Variants in ZMAT1 observed in about 807,000 individuals in gnomAD.
The protein encoded by ZMAT1 is zinc finger matrin-type protein 1.
A neutral mutation model predicts 18.5 loss-of-function variants in ZMAT1; 11 were observed. The ratio of observed to expected loss-of-function variants is 0.59; its 90% CI spans 0.37 to 0.98. ZMAT1 has a LOEUF of 0.98. Ranked by LOEUF, ZMAT1 falls within the 50% of genes least tolerant of loss-of-function variation. The pLI, the probability that ZMAT1 is intolerant of heterozygous loss-of-function variation, is 0.01. For missense variants in ZMAT1, 525 were observed against 496.2 expected, an observed-to-expected ratio of 1.06 and a Z score of -0.55; for synonymous variants, 211 against 176.4, an observed-to-expected ratio of 1.20 and a Z score of -1.55.
Position 101,883,552 on chromosome X carries a change from T to C in ZMAT1, c.2046A>G (p.Thr682=). Residue 682 remains threonine, a synonymous_variant, in exon 6 of 6, where the codon ACA becomes ACG. Transcript: ENST00000651725. ...ACTCATCCCAAAGCATTTCCTCTTC[T>C]GTCCTTTCTTCAACAGATTTCTTTT... is the stretch of plus-strand genomic sequence containing the variant. ...KEKKKSVEER[T]EEEMLWDESI... is the part of the protein sequence containing the mutation. The C allele has an allele frequency of 8.3e-7, 1 of 1,201,703 alleles. No individual in the cohort carries two copies. The highest frequency in any genetic ancestry group is 1.1e-6 in the Non-Finnish European group (1 of 892,762).
intron 1 of ZMAT1, among the ~76,000 whole-genome samples, chrX:101,927,985 A>C (rs1761086694): frequency 8.9e-6 from 1 of 112,122 alleles, no homozygotes; most frequent in African/African-American, 3.2e-5. Flanking sequence ...CACCTGCCAA[A>C]TGCAGATAAT....
At chrX:101,902,270 T>C (rs1388025961) in intron 2 of ZMAT1, among the ~76,000 whole-genome samples, 1 of 112,071 alleles carries the variant, frequency 8.9e-6, no homozygotes, top group East Asian at 2.8e-4. Context: ...CACATCACTT[T>C]CCCATTTTTC....
At chrX:101,914,825 C>G (rs1929206181) in intron 1 of ZMAT1, among the ~76,000 whole-genome samples, 1 of 111,482 alleles carries the variant, frequency 9.0e-6, no homozygotes, top group South Asian at 3.7e-4. Flanking sequence ...GCAATACTTC[C>G]AAACTCATTC....
In ZMAT1 at chrX:101,893,882, T is replaced by C. The variant is rs753486042; in HGVS notation, c.676+3986A>G. ...ATAGTTTCTGGCAACCATATGTAGTTTGCAGGTACTGACCCACATAGATCA... is the reference window on the plus strand; with the variant it reads ...ATAGTTTCTGGCAACCATATGTAGTCTGCAGGTACTGACCCACATAGATCA... On this transcript the variant is annotated intron_variant, in intron 4 of 5. Coordinates refer to ENST00000651725, the MANE Select transcript of ZMAT1 (RefSeq NM_001394560.1). Among the ~76,000 whole-genome samples, 184 of 111,334 alleles carry C rather than the reference T, an allele frequency of 1.7e-3. 1 individual carries two copies. The highest frequency in any genetic ancestry group is 5.9e-3 in the African/African-American group (180 of 30,699).
At chrX:101,910,053 CCT>C (rs1409692067) in intron 1 of ZMAT1, among the ~76,000 whole-genome samples, 2 of 112,455 alleles carry the variant, frequency 1.8e-5, no homozygotes, top group East Asian at 2.8e-4. Flanking sequence ...CAATCCATCC[CCT>C]GATTTAGGTG....
At chrX:101,911,508 AAAC>A in intron 1 of ZMAT1, 1 of 905,478 alleles carries the variant, frequency 1.1e-6, no homozygotes, top group East Asian at 3.3e-5. Context: ...ATATAAGTAA[AAAC>A]AACAAAAAGT....
At chrX:101,914,567 C>A (rs1010640143) in intron 1 of ZMAT1, among the ~76,000 whole-genome samples, 2 of 110,988 alleles carry the variant, frequency 1.8e-5, no homozygotes, top group African/African-American at 6.5e-5. Flanking sequence ...CTACTATGAG[C>A]AACTATATGC....
At position 101,883,735 on chromosome X, in the gene ZMAT1, A is replaced by C. The variant is rs202199666; in HGVS notation, c.1863T>G (p.Ser621Arg). The C allele has an allele frequency of 1.7e-5, 20 of 1,189,031 alleles. No individual in the cohort carries two copies. The highest frequency in any genetic ancestry group is 2.3e-5 in the Non-Finnish European group (20 of 886,710). Residue 621 changes from serine (S) to arginine (R), a missense_variant, in exon 6 of 6, where the codon AGT becomes AGG. Transcript: ENST00000651725. ...KEQSKHKRKK[S>R]YEDTDLDKDK... ...CTTTGTCTAAATCTGTATCTTCATA[A>C]CTCTTTTTCCTTTTATGCTTGGACT... is the stretch of plus-strand genomic sequence containing the variant.
intron 4 of ZMAT1, among the ~76,000 whole-genome samples, chrX:101,893,673 A>G (rs866366120): frequency 8.9e-6 from 1 of 111,976 alleles, no homozygotes; most frequent in Middle Eastern, 4.6e-3. Context: ...CCCTTGCCTC[A>G]AAGACCTTAC....
chrX:101,929,300 C>G (rs1477713727), intron 1 of ZMAT1, among the ~76,000 whole-genome samples: 1 of 107,627 alleles, frequency 9.3e-6, no homozygotes, highest in Non-Finnish European at 1.9e-5. Flanking sequence ...TTAACTAGGA[C>G]TTAAACAAGC....
chrX:101,923,126 C>T (rs953556702), intron 1 of ZMAT1, among the ~76,000 whole-genome samples: 1 of 112,108 alleles, frequency 8.9e-6, no homozygotes, highest in African/African-American at 3.2e-5. Context: ...GCATCTTCCT[C>T]TCTTCTCTTC....
chrX:101,887,970 C>A (rs1393083344), intron 4 of ZMAT1: 1 of 111,246 alleles, frequency 9.0e-6, no homozygotes, highest in Non-Finnish European at 1.9e-5. Context: ...ACCAGAATGA[C>A]AATACAATAA....
At position 101,904,324 on chromosome X, in the gene ZMAT1, A is replaced by G. The variant is rs1244281818; in HGVS notation, c.299T>C (p.Ile100Thr). Residue 100 changes from isoleucine to threonine, a missense_variant, in exon 2 of 6, where the codon ATT becomes ACT. Ile to Thr is a moderately conservative substitution (Grantham distance 89, BLOSUM62 -1). Coordinates refer to ENST00000651725, the MANE Select transcript of ZMAT1 (RefSeq NM_001394560.1). ...TTCAGCCTTTTCCTGTTCATTCCAA[A>G]TGGCGTCTGTGAATAAAAAAGGGAA... ...DTRPCLREDAIWNEQEKAELF... is the reference protein window; with the variant it reads ...DTRPCLREDATWNEQEKAELF... The G allele has an allele frequency of 8.4e-7, 1 of 1,193,194 alleles. No homozygotes were observed. Among genetic ancestry groups the G allele is most frequent in the Non-Finnish European group, 1.1e-6 (1 of 885,031 alleles).
intron 1 of ZMAT1, among the ~76,000 whole-genome samples, chrX:101,909,239 G>GCCCTTGGGACCTGAATAA (rs1422892482): frequency 9.1e-6 from 1 of 110,453 alleles, no homozygotes; most frequent in Non-Finnish European, 1.9e-5. Flanking sequence ...TAACTGAAGA[G>GCCCTTGGGACCTGAATAA]CCCTTGGGAC....
intron 1 of ZMAT1, among the ~76,000 whole-genome samples, chrX:101,929,419 G>C (rs372742085): frequency 1.2e-5 from 1 of 85,473 alleles, no homozygotes; most frequent in Non-Finnish European, 2.2e-5. Flanking sequence ...TATATAGAGA[G>C]AGATTATATA....
At chrX:101,913,510 T>C (rs1230083844) in intron 1 of ZMAT1, among the ~76,000 whole-genome samples, 1 of 111,408 alleles carries the variant, frequency 9.0e-6, no homozygotes, top group East Asian at 2.8e-4. Flanking sequence ...TCCATGCCAA[T>C]GAAACTAAAA....
At chrX:101,907,346 A>G (rs947251081) in intron 1 of ZMAT1, among the ~76,000 whole-genome samples, 16 of 112,229 alleles carry the variant, frequency 1.4e-4, no homozygotes. Flanking sequence ...CTTCAGGCCC[A>G]ACCCTGAAGA....
At chrX:101,896,126 T>A (rs941431512) in intron 4 of ZMAT1, among the ~76,000 whole-genome samples, 1 of 111,822 alleles carries the variant, frequency 8.9e-6, no homozygotes, top group Admixed American at 9.5e-5. Context: ...GTATTAGGCA[T>A]TGCCTGATTA....
chrX:101,930,115 A>G (rs1401433539), intron 1 of ZMAT1, among the ~76,000 whole-genome samples: 1 of 112,142 alleles, frequency 8.9e-6, no homozygotes, highest in Non-Finnish European at 1.9e-5. Flanking sequence ...ATATATTAAA[A>G]GATACTGCAA....
Sources: gnomAD v4.1 joint callset for allele counts (sites outside exome capture counted in the v4.1 genomes callset) on GRCh38, gnomAD v4.1.1 for gene constraint, MANE v1.5 for transcripts, NCBI Gene and HGNC (gene_info 2026-07-23, HGNC 2026-07-21) for gene names.